CRPPA: variants seen among roughly 807,000 people sequenced by gnomAD.
CRPPA encodes CDP-L-ribitol pyrophosphorylase A, also known as D-ribitol-5-phosphate cytidylyltransferase.
Under a neutral mutation model 52.0 loss-of-function variants are expected in CRPPA, and 43 were observed. That is an observed-to-expected ratio of 0.83 (90% confidence interval 0.65 to 1.07). The LOEUF (loss-of-function observed/expected upper bound fraction) is 1.07, where lower values mean the gene tolerates loss of function less well. Ranked by LOEUF, CRPPA falls within the 50% of genes least tolerant of loss-of-function variation. The pLI is 0.00. For missense variants in CRPPA, 629 were observed against 551.7 expected (o/e 1.14, Z -1.40); for synonymous variants, 250 against 203.5 (o/e 1.23, Z -1.94).
At position 16,322,351 on chromosome 7, in the gene CRPPA, G is replaced by C. The variant is rs139088765; in HGVS notation, c.685-13724C>G. On this transcript the variant is annotated intron_variant, in intron 3 of 9. Transcript: ENST00000407010. ...ATAGCTTTCAGAAAGAAGCCTGAAA[G>C]CATGAACTGGCATCTTTAAGGTGAA... 3.6e-3 allele frequency among the ~76,000 whole-genome samples: 541 copies of C among 152,216 alleles called. 4 individuals carry two copies. Among genetic ancestry groups the C allele is most frequent in the African/African-American group, 0.012 (513 of 41,540 alleles).
rs555632534 is a variant in CRPPA at position 16,312,443 on chromosome 7, C to T, written c.685-3816G>A. On this transcript the variant is annotated intron_variant, in intron 3 of 9. Transcript: ENST00000407010. ...TGCTGGTACAAACGAAAGCAATGGG[C>T]TTTTATTCCCTCGTAGCCTGCAACT... Among the ~76,000 whole-genome samples, 12 of 152,094 alleles carry T rather than the reference C, an allele frequency of 7.9e-5. No homozygotes were observed. In the East Asian group the frequency reaches 1.9e-3, roughly 24 times the overall value.
chr7:16,239,137 C>CAGAAAAAAA (rs1783032422), intron 8 of CRPPA, among the ~76,000 whole-genome samples: 1 of 88,526 alleles, frequency 1.1e-5, no homozygotes, highest in African/African-American at 4.1e-5. Flanking sequence ...GACTCTGTCT[C>CAGAAAAAAA]AAAAAAAAAA....
chr7:16,204,232 G>A (rs1421819131), intron 9 of CRPPA, among the ~76,000 whole-genome samples: 1 of 152,054 alleles, frequency 6.6e-6, no homozygotes, highest in Admixed American at 6.6e-5. Context: ...ATAAGCATCA[G>A]AAAACTATAT....
intron 2 of CRPPA, among the ~76,000 whole-genome samples, chr7:16,389,924 A>AT (rs1169753280): frequency 0.034 from 2,101 of 61,934 alleles, 12 homozygotes; most frequent in South Asian, 0.059. Context: ...AAAAAAAAAA[A>AT]AAAAATATAT....
intron 9 of CRPPA, among the ~76,000 whole-genome samples, chr7:16,183,344 C>T (rs1781447473): frequency 6.6e-5 from 10 of 152,126 alleles, no homozygotes; most frequent in Admixed American, 6.6e-4. Flanking sequence ...GAAGGGCTGT[C>T]TCTTGTTTGT....
At chr7:16,246,561 T>A (rs370863009) in intron 8 of CRPPA, among the ~76,000 whole-genome samples, 2 of 152,344 alleles carry the variant, frequency 1.3e-5, no homozygotes, top group African/African-American at 4.8e-5. Flanking sequence ...AAGGTATTTC[T>A]TCAAAAATAA....
chr7:16,238,229 T>A (rs952637655), intron 8 of CRPPA, among the ~76,000 whole-genome samples: 8 of 152,152 alleles, frequency 5.3e-5, no homozygotes, highest in Non-Finnish European at 1.2e-4. Context: ...GCTGTTTTTT[T>A]AAAAAAGATT....
At chr7:16,269,697 C>T (rs565053874) in intron 6 of CRPPA, 3 of 152,122 alleles carry the variant, frequency 2.0e-5, no homozygotes, top group Non-Finnish European at 4.4e-5. Flanking sequence ...ATATTTGATT[C>T]AGTGTTCCCA....
intron 9 of CRPPA, among the ~76,000 whole-genome samples, chr7:16,175,879 T>C (rs1322449231): frequency 6.6e-6 from 1 of 152,130 alleles, no homozygotes; most frequent in Non-Finnish European, 1.5e-5. Flanking sequence ...TTATCTGAAA[T>C]TAAACTGTAT....
At position 16,399,150 on chromosome 7, in the gene CRPPA, C is replaced by T. The variant is rs867161093; in HGVS notation, c.534+6911G>A. On this transcript the variant is annotated intron_variant, in intron 2 of 9. Transcript: ENST00000407010. ...ACATTTCACCAATGTGTGACCAAAG[C>T]ATGATTGACACATGAACACGTGACA... is the stretch of plus-strand genomic sequence containing the variant. Among the ~76,000 whole-genome samples the T allele has an allele frequency of 2.0e-5, 3 of 152,230 alleles. No homozygotes were observed. The South Asian group carries it at 6.2e-4, about 31-fold the overall frequency.
chr7:16,112,876 C>T (rs1782295228), intron 9 of CRPPA, among the ~76,000 whole-genome samples: 1 of 151,754 alleles, frequency 6.6e-6, no homozygotes, highest in South Asian at 2.1e-4. Flanking sequence ...AATATATAGA[C>T]TTTTTTTTCC....
intron 8 of CRPPA, among the ~76,000 whole-genome samples, chr7:16,255,481 C>T (rs1783613461): frequency 6.6e-6 from 1 of 152,102 alleles, no homozygotes; most frequent in Admixed American, 6.6e-5. Flanking sequence ...CCTGCATTGC[C>T]AAGACAATCC....
At chr7:16,382,180 G>T (rs10269450) in intron 2 of CRPPA, among the ~76,000 whole-genome samples, 2 of 151,776 alleles carry the variant, frequency 1.3e-5, no homozygotes, top group Non-Finnish European at 2.9e-5. Flanking sequence ...CTTTTAGGGC[G>T]GGCCTGGTGG....
At chr7:16,181,726 C>T (rs1166045735) in intron 9 of CRPPA, among the ~76,000 whole-genome samples, 1 of 151,956 alleles carries the variant, frequency 6.6e-6, no homozygotes, top group Non-Finnish European at 1.5e-5. Context: ...TATTTCACAA[C>T]ATATGTGTAA....
chr7:16,320,444 AC>A (rs1785237112), intron 3 of CRPPA, among the ~76,000 whole-genome samples: 1 of 152,164 alleles, frequency 6.6e-6, no homozygotes, highest in South Asian at 2.1e-4. Flanking sequence ...AGGTTTTATA[AC>A]AAAAAAAAGT....
At chr7:16,255,241 G>A (rs934399022) in intron 8 of CRPPA, among the ~76,000 whole-genome samples, 2 of 152,144 alleles carry the variant, frequency 1.3e-5, no homozygotes, top group African/African-American at 4.8e-5. Context: ...CAAGGAATGT[G>A]AAAGAGCTCT....
At chr7:16,246,703 A>C (rs1783285789) in intron 8 of CRPPA, among the ~76,000 whole-genome samples, 1 of 152,234 alleles carries the variant, frequency 6.6e-6, no homozygotes, top group South Asian at 2.1e-4. Flanking sequence ...GTCAATAAGC[A>C]GTAATATTTT....
intron 8 of CRPPA, among the ~76,000 whole-genome samples, chr7:16,216,965 T>G (rs548079344): frequency 1.8e-4 from 28 of 152,236 alleles, no homozygotes; most frequent in Middle Eastern, 3.4e-3. Context: ...TGCCTGCCTC[T>G]GTAGGCTTCA....
intron 9 of CRPPA, among the ~76,000 whole-genome samples, chr7:16,179,226 T>A (rs557334173): frequency 2.0e-5 from 3 of 152,242 alleles, no homozygotes; most frequent in East Asian, 1.9e-4. Context: ...GTTCTATTCT[T>A]CACAGGCATT....
Sources: gnomAD v4.1 joint callset for allele counts (sites outside exome capture counted in the v4.1 genomes callset) on GRCh38, gnomAD v4.1.1 for gene constraint, MANE v1.5 for transcripts, NCBI Gene and HGNC (gene_info 2026-07-23, HGNC 2026-07-21) for gene names.